Variants in TBX19 observed in about 807,000 individuals in gnomAD.
TBX19 encodes T-box transcription factor TBX19.
In TBX19, 33 loss-of-function variants were observed where a neutral mutation model predicts 40.9. That is an observed-to-expected ratio of 0.81 (90% confidence interval 0.61 to 1.08). TBX19 has a LOEUF of 1.08. Among genes scored for constraint, TBX19 ranks in the 50% least tolerant of loss-of-function variants. The probability of loss-of-function intolerance (pLI) is 0.00; values close to 1 mark genes in which losing one functional copy is unlikely to be tolerated. For missense variants in TBX19, 494 were observed against 574.0 expected, an observed-to-expected ratio of 0.86 and a Z score of 1.42; for synonymous variants, 220 against 225.0, an observed-to-expected ratio of 0.98 and a Z score of 0.20.
chr1:168,300,639 T>G lies in TBX19; in HGVS notation c.727+156T>G, dbSNP rs534546771. The stretch of plus-strand genomic sequence containing the variant: ...CTATTAAGGACAAATTTGTGCCCTT[T>G]CCAGAATTCCAGAGAGAGAGCCAAT... On this transcript the variant is annotated intron_variant, in intron 5 of 7. Coordinates refer to ENST00000367821, the MANE Select transcript of TBX19 (RefSeq NM_005149.3). Among the ~76,000 whole-genome samples, 5 of 152,212 alleles carry G rather than the reference T, an allele frequency of 3.3e-5. No homozygotes were observed. In the South Asian group the frequency reaches 1.0e-3, roughly 32 times the overall value.
intron 2 of TBX19, among the ~76,000 whole-genome samples, chr1:168,292,768 G>T (rs530127476): frequency 4.0e-5 from 6 of 151,582 alleles, no homozygotes; most frequent in African/African-American, 1.2e-4. Flanking sequence ...GGAGGCTGAG[G>T]CAGGAGAATG....
intron 4 of TBX19, among the ~76,000 whole-genome samples, chr1:168,300,009 A>C (rs1353947897): frequency 6.6e-6 from 1 of 152,174 alleles, no homozygotes; most frequent in Non-Finnish European, 1.5e-5. Context: ...CTCGAGATCC[A>C]CTTTTCTAAT....
Position 168,305,282 on chromosome 1 carries a change from G to A in TBX19, c.916+86G>A. ...AATGGATAAACAGCTAGGAAAAGGA[G>A]TAGCTAAAGATGGAACCCCGTCATC... On this transcript the variant is annotated intron_variant, in intron 6 of 7. Transcript: ENST00000367821. 2.3e-6 allele frequency: 3 copies of A among 1,330,274 alleles called. No homozygotes were observed. In the South Asian group the frequency reaches 3.5e-5, roughly 16 times the overall value. 82.4% of individuals were successfully genotyped at this position (1,330,274 alleles called of 1,614,324 possible).
rs1648636829 is a variant in TBX19, at chr1:168,281,138, T to G, written c.48T>G (p.Val16=). 3 of 1,614,164 alleles carry G rather than the reference T, an allele frequency of 1.9e-6. No individual in the cohort carries two copies. In the South Asian group the frequency reaches 3.3e-5, roughly 18 times the overall value. The change falls in exon 1 of 8, where the codon GTT becomes GTG. Residue 16 remains valine, a synonymous_variant. Coordinates refer to ENST00000367821, the MANE Select transcript of TBX19 (RefSeq NM_005149.3). ...LGTRKPSDGT[V]SHLLNVVESE... The stretch of plus-strand genomic sequence containing the variant: ...CTCGGAAGCCCAGCGATGGCACTGT[T>G]TCTCATCTGCTCAATGTGGTGGAGA...
At chr1:168,288,494 T>G (rs1381306761) in intron 1 of TBX19, among the ~76,000 whole-genome samples, 2 of 152,124 alleles carry the variant, frequency 1.3e-5, no homozygotes, top group African/African-American at 4.8e-5. Context: ...CCCAGGAATT[T>G]GAAAGCAGCC....
chr1:168,312,805 G>A lies in TBX19; in HGVS notation c.1150G>A (p.Gly384Arg), dbSNP rs559696399. The change falls in exon 8 of 8, where the codon GGA (glycine) becomes AGA (arginine). Residue 384 changes from glycine to arginine, a missense_variant. Physicochemically the swap from Gly to Arg is moderately radical, Grantham distance 125. This residue lies in a region of TBX19 where 284 missense variants were observed against 307.3 expected (regional missense o/e 0.92). Coordinates refer to ENST00000367821, the MANE Select transcript of TBX19 (RefSeq NM_005149.3). ...HASTPGAFLL[G>R]NPAVTSPPSV... ...CAGCACCCCAGGAGCATTTCTCCTC[G>A]GAAACCCAGCTGTGACTTCACCCCC... 8 of 1,614,244 alleles carry A rather than the reference G, an allele frequency of 5.0e-6. No homozygotes were observed. The highest frequency in any genetic ancestry group is 1.6e-4 in the Middle Eastern group (1 of 6,062).
intron 3 of TBX19, among the ~76,000 whole-genome samples, chr1:168,295,340 A>G (rs957852724): frequency 6.6e-6 from 1 of 152,130 alleles, no homozygotes; most frequent in Non-Finnish European, 1.5e-5. Context: ...TTTATTTGGA[A>G]GCTTTAAAGA....
At chr1:168,301,388 G>A (rs147725321) in intron 5 of TBX19, among the ~76,000 whole-genome samples, 1 of 152,018 alleles carries the variant, frequency 6.6e-6, no homozygotes, top group East Asian at 1.9e-4. Context: ...TCAGCCTCTC[G>A]AGCAGCTGGG....
intron 7 of TBX19, among the ~76,000 whole-genome samples, chr1:168,311,136 A>G (rs1051745852): frequency 6.6e-6 from 1 of 151,956 alleles, no homozygotes; most frequent in Non-Finnish European, 1.5e-5. Flanking sequence ...GGGCTGTGGT[A>G]GGAAGTGAGA....
chr1:168,304,993 T>G lies in TBX19; in HGVS notation c.728-15T>G. ...CACAGACTCAGTCTTGGTGTATTCC[T>G]CTTGTCTATTTTAGTGGGAGGCTGG... is the stretch of plus-strand genomic sequence containing the variant. On this transcript the variant is annotated splice_polypyrimidine_tract_variant and intron_variant, in intron 5 of 7. Transcript: ENST00000367821. 1 of 1,613,612 alleles carries G rather than the reference T, an allele frequency of 6.2e-7. No individual in the cohort carries two copies. The highest frequency in any genetic ancestry group is 8.5e-7 in the Non-Finnish European group (1 of 1,179,976).
At chr1:168,296,802 T>C (rs1206987417) in intron 3 of TBX19, among the ~76,000 whole-genome samples, 3 of 151,922 alleles carry the variant, frequency 2.0e-5, no homozygotes, top group Non-Finnish European at 4.4e-5. Context: ...TGAACCCAGG[T>C]GGCAGAGGTT....
chr1:168,299,221 C>G (rs1649216798), intron 4 of TBX19, among the ~76,000 whole-genome samples: 1 of 151,956 alleles, frequency 6.6e-6, no homozygotes, highest in African/African-American at 2.4e-5. Flanking sequence ...TGCCCAGACT[C>G]TATGTCTTTT....
intron 3 of TBX19, 128 bp downstream of exon 3, chr1:168,293,406 A>G: frequency 8.1e-7 from 1 of 1,236,270 alleles, no homozygotes. Flanking sequence ...GGATTTGGAT[A>G]CACTCAGCAG....
In TBX19 at chr1:168,308,996, A is replaced by G. The variant is rs561939080; in HGVS notation, c.1052+119A>G. ...GGTCTAACCTATTGTCTTGACTTCT[A>G]AAACACTAAGAAGTCAAGGTGGCAA... On this transcript the variant is annotated intron_variant, in intron 7 of 7. Transcript: ENST00000367821. The G allele has an allele frequency of 6.3e-6, 9 of 1,418,362 alleles. No individual in the cohort carries two copies. In the East Asian group the frequency reaches 2.1e-4, roughly 33 times the overall value. The allele number at this position is 1,418,362 out of a possible 1,614,324, so 87.9% of individuals were successfully genotyped here.
chr1:168,292,010 G>A (rs1311980007), intron 2 of TBX19, among the ~76,000 whole-genome samples: 1 of 152,056 alleles, frequency 6.6e-6, no homozygotes, highest in Non-Finnish European at 1.5e-5. Context: ...TCTGTGTTAG[G>A]ATTGTGAATA....
chr1:168,309,199 C>A (rs2102363370), intron 7 of TBX19, among the ~76,000 whole-genome samples: 1 of 152,186 alleles, frequency 6.6e-6, no homozygotes, highest in Admixed American at 6.5e-5. Flanking sequence ...ATAGTGTAAC[C>A]CCATGTCTAC....
chr1:168,281,196 C>T lies in TBX19; in HGVS notation c.106C>T (p.Pro36Ser). Reference protein sequence around the residue: ...ELQAGREKGDPTEKQLQIILE... With the variant: ...ELQAGREKGDSTEKQLQIILE... ...TCAGGCAGGGAGGGAAAAAGGCGAC[C>T]CTACGGAGAAGCAACTTCAGATCAT... The change falls in exon 1 of 8, where the codon CCT becomes TCT. Residue 36 changes from proline to serine, a missense_variant. Coordinates refer to ENST00000367821, the MANE Select transcript of TBX19 (RefSeq NM_005149.3). 6.2e-7 allele frequency: 1 copy of T among 1,614,092 alleles called. No individual in the cohort carries two copies. Among genetic ancestry groups the T allele is most frequent in the Non-Finnish European group, 8.5e-7 (1 of 1,180,008 alleles).
At position 168,313,188 on chromosome 1, in the gene TBX19, G is replaced by A. The variant is rs10918869; in HGVS notation, c.*186G>A. The A allele has an allele frequency of 4.0e-3, 2,693 of 677,460 alleles. 50 individuals carry two copies. The African/African-American group carries it at 0.043, about 11-fold the overall frequency. The allele number at this position is 677,460 out of a possible 1,614,324, so 42.0% of individuals were successfully genotyped here. A position where few individuals can be genotyped will look rare whatever the true frequency, so the allele number is the denominator to read the frequency against. The stretch of plus-strand genomic sequence containing the variant: ...TTGGATGATGCTAGTTAGATCATTT[G>A]CATCTCTCCACCATTTTCTTCTGCA... On this transcript the variant is annotated 3_prime_UTR_variant, in exon 8 of 8. Transcript: ENST00000367821.
intron 3 of TBX19, among the ~76,000 whole-genome samples, chr1:168,295,369 T>C (rs746077672): frequency 3.3e-5 from 5 of 152,186 alleles, no homozygotes; most frequent in Non-Finnish European, 4.4e-5. Context: ...GGGCTGCCAC[T>C]CAGCCAACTG....
Sources: gnomAD v4.1 joint callset for allele counts (sites outside exome capture counted in the v4.1 genomes callset) on GRCh38, gnomAD v4.1.1 for gene constraint, gnomAD v4.1.1 regional missense constraint, MANE v1.5 for transcripts, NCBI Gene and HGNC (gene_info 2026-07-23, HGNC 2026-07-21) for gene names.